RPS6KA2: variants seen among roughly 807,000 people sequenced by gnomAD.
RPS6KA2 encodes the protein ribosomal protein S6 kinase alpha-2.
A neutral mutation model predicts 91.8 loss-of-function variants in RPS6KA2; 42 were observed. The ratio of observed to expected loss-of-function variants is 0.46; its 90% CI spans 0.36 to 0.59. The LOEUF is 0.59. RPS6KA2 is among the 20% of genes least tolerant of loss of function. The pLI is 0.00. For synonymous variants in RPS6KA2, 414 were observed against 393.6 expected (o/e 1.05, Z -0.61); for missense variants, 798 against 978.5 (o/e 0.82, Z 2.46).
intron 2 of RPS6KA2, among the ~76,000 whole-genome samples, chr6:166,739,351 T>C (rs16899365): frequency 6.6e-6 from 1 of 152,202 alleles, no homozygotes; most frequent in Non-Finnish European, 1.5e-5. Flanking sequence ...TAGGAAACCC[T>C]CTAGGTAAGG....
intron 2 of RPS6KA2, among the ~76,000 whole-genome samples, chr6:166,854,620 T>C (rs1350448343): frequency 6.6e-6 from 1 of 152,246 alleles, no homozygotes; most frequent in Admixed American, 6.5e-5. Context: ...TTATCATATA[T>C]GTTCAGACTG....
At chr6:166,641,860 T>C (rs1483007910) in intron 2 of RPS6KA2, among the ~76,000 whole-genome samples, 1 of 132,190 alleles carries the variant, frequency 7.6e-6, no homozygotes, top group Non-Finnish European at 1.6e-5. Context: ...AAGACAGAAA[T>C]ACAGGAAATA....
chr6:166,696,042 T>C (rs1472655475), intron 2 of RPS6KA2, among the ~76,000 whole-genome samples: 1 of 152,176 alleles, frequency 6.6e-6, no homozygotes, highest in African/African-American at 2.4e-5. Context: ...TTTCCCTCCC[T>C]GCACTCCCCC....
rs569769247 is a variant in RPS6KA2, at chr6:166,568,566, C to T, written c.100-29782G>A. ...CTGGGAGGCAGAGGTTGCGGAGAGC[C>T]GAGATTGCGCCATCGCACTCTAAGC... On this transcript the variant is annotated intron_variant, in intron 1 of 20. Coordinates refer to ENST00000265678, the MANE Select transcript of RPS6KA2 (RefSeq NM_021135.6). 2.1e-3 allele frequency among the ~76,000 whole-genome samples: 268 copies of T among 125,952 alleles called. 1 individual carries two copies. Among genetic ancestry groups the T allele is most frequent in the African/African-American group, 7.5e-3 (255 of 33,864 alleles). 82.6% of individuals were successfully genotyped at this position (125,952 alleles called of 152,430 possible).
chr6:166,785,545 G>A (rs1245418887), intron 2 of RPS6KA2, among the ~76,000 whole-genome samples: 1 of 152,244 alleles, frequency 6.6e-6, no homozygotes, highest in Non-Finnish European at 1.5e-5. Flanking sequence ...CAGGCATGGT[G>A]CTCCTGGTTC....
At chr6:166,477,989 T>G (rs1375531861) in intron 10 of RPS6KA2, among the ~76,000 whole-genome samples, 1 of 152,240 alleles carries the variant, frequency 6.6e-6, no homozygotes, top group Admixed American at 6.5e-5. Context: ...TTGTTGGCTC[T>G]CATGTACGTT....
At chr6:166,721,577 A>G (rs1790174029) in intron 2 of RPS6KA2, among the ~76,000 whole-genome samples, 1 of 152,260 alleles carries the variant, frequency 6.6e-6, no homozygotes. Context: ...ACAGATGAAC[A>G]TGCTAGAGCT....
chr6:166,571,111 G>A (rs1379710335), intron 1 of RPS6KA2, among the ~76,000 whole-genome samples: 4 of 152,196 alleles, frequency 2.6e-5, no homozygotes, highest in Non-Finnish European at 5.9e-5. Context: ...CCCCAGGACC[G>A]ATGAGGCCGG....
At position 166,626,524 on chromosome 6, in the gene RPS6KA2, TG is replaced by T. The variant is rs1031853175; in HGVS notation, c.99+396del. 1.3e-5 allele frequency among the ~76,000 whole-genome samples: 2 copies of T among 152,128 alleles called. No individual in the cohort carries two copies. The highest frequency in any genetic ancestry group is 1.3e-4 in the Admixed American group (2 of 15,280). On this transcript the variant is annotated intron_variant, in intron 1 of 20. Transcript: ENST00000265678. The surrounding 1 kb of genome is among the most constrained non-coding windows in gnomAD (Gnocchi z 4.1). The stretch of plus-strand genomic sequence containing the variant: ...TGATCAGCGCCTCGGAGGGCGGAGC[TG>T]GGGGGCTTCTCCACTCGGGACTTTG...
At chr6:166,578,592 C>A (rs1261462776) in intron 1 of RPS6KA2, among the ~76,000 whole-genome samples, 1 of 152,212 alleles carries the variant, frequency 6.6e-6, no homozygotes, top group Non-Finnish European at 1.5e-5. Context: ...AATAACACAG[C>A]TCTTTCTTTA....
In RPS6KA2 at chr6:166,746,066, T is replaced by A. The variant is rs143312399; in HGVS notation, c.123+112134A>T. 9.8e-5 allele frequency among the ~76,000 whole-genome samples: 15 copies of A among 152,330 alleles called. No individual in the cohort carries two copies. The East Asian group carries it at 2.1e-3, about 22-fold the overall frequency. ...GCAGCTACTGAGACACGCTTTTTCC[T>A]GCCCGGGTCACCTTCCGCCTCTACA... is the stretch of plus-strand genomic sequence containing the variant. On this transcript the variant is annotated intron_variant, in intron 2 of 21. Transcript: ENST00000503859.
intron 14 of RPS6KA2, among the ~76,000 whole-genome samples, chr6:166,442,323 G>A (rs2294328): frequency 0.043 from 6,566 of 152,258 alleles, 197 homozygotes; most frequent in East Asian, 0.11. Context: ...GCCTTATGAC[G>A]AGTGAGTCTG....
intron 12 of RPS6KA2, among the ~76,000 whole-genome samples, chr6:166,455,356 G>A (rs931573930): frequency 6.6e-6 from 1 of 152,164 alleles, no homozygotes. Context: ...CAGGCCGTGG[G>A]CAGATGGACG....
At chr6:166,583,201 G>A (rs1354047107) in intron 1 of RPS6KA2, among the ~76,000 whole-genome samples, 3 of 152,222 alleles carry the variant, frequency 2.0e-5, no homozygotes, top group Non-Finnish European at 4.4e-5. Flanking sequence ...CTACTTGTGA[G>A]CTAAAAGTGC....
intron 1 of RPS6KA2, among the ~76,000 whole-genome samples, chr6:166,576,929 G>C (rs1283262863): frequency 1.3e-5 from 2 of 151,032 alleles, no homozygotes; most frequent in Admixed American, 6.7e-5. Flanking sequence ...TCCTGGGCTG[G>C]GTCCAGGGTC....
chr6:166,517,095 T>C (rs1356399642), intron 3 of RPS6KA2, among the ~76,000 whole-genome samples: 5 of 152,008 alleles, frequency 3.3e-5, no homozygotes, highest in Non-Finnish European at 5.9e-5. Context: ...AGGGACTACC[T>C]AGTTACAGTA....
intron 2 of RPS6KA2, among the ~76,000 whole-genome samples, chr6:166,668,608 G>A (rs958020416): frequency 1.3e-5 from 2 of 152,186 alleles, no homozygotes; most frequent in Non-Finnish European, 1.5e-5. Context: ...ACCGAGGGAA[G>A]AGGGTGGTGT....
Position 166,849,851 on chromosome 6 carries a change from G to A in RPS6KA2, c.123+8349C>T, listed in dbSNP as rs1249176596. On this transcript the variant is annotated intron_variant, in intron 2 of 21. Coordinates refer to the RPS6KA2 transcript ENST00000503859. This position sits in a 1 kb window ranked among gnomAD's most constrained non-coding sequence, Gnocchi z 4.9. ...TGGTTTTATAGGGTTTGCTCCATCT[G>A]TTCTACATAAGACAGAAGTGAGACA... is the stretch of plus-strand genomic sequence containing the variant. Among the ~76,000 whole-genome samples the A allele has an allele frequency of 6.6e-6, 1 of 152,218 alleles. No homozygotes were observed. Among genetic ancestry groups the A allele is most frequent in the Non-Finnish European group, 1.5e-5 (1 of 68,044 alleles).
intron 2 of RPS6KA2, among the ~76,000 whole-genome samples, chr6:166,810,131 G>A (rs1779592201): frequency 6.6e-6 from 1 of 152,178 alleles, no homozygotes; most frequent in Non-Finnish European, 1.5e-5. Context: ...AGATGCTTCT[G>A]AAAACCATCG....
Sources: gnomAD v4.1 joint callset for allele counts (sites outside exome capture counted in the v4.1 genomes callset) on GRCh38, gnomAD v4.1.1 for gene constraint, Gnocchi (gnomAD v3.1) non-coding constraint, MANE v1.5 for transcripts, NCBI Gene and HGNC (gene_info 2026-07-23, HGNC 2026-07-21) for gene names.